FAT1: variants seen among roughly 807,000 people sequenced by gnomAD.
FAT1 encodes the protein protocadherin Fat 1.
FAT1 carries 171 observed loss-of-function variants against 329.8 expected under a neutral mutation model. The observed-to-expected ratio is 0.52, with a 90% CI of 0.46 to 0.59. The LOEUF (loss-of-function observed/expected upper bound fraction) is 0.59, where lower values mean the gene tolerates loss of function less well. Among genes scored for constraint, FAT1 ranks in the 20% least tolerant of loss-of-function variants. The probability of loss-of-function intolerance (pLI) is 0.00; values close to 1 mark genes in which losing one functional copy is unlikely to be tolerated. For synonymous variants in FAT1, 2,233 were observed against 2,228.6 expected, an observed-to-expected ratio of 1.00 and a Z score of -0.06; for missense variants, 5,672 against 5,774.4, an observed-to-expected ratio of 0.98 and a Z score of 0.57.
intron 13 of FAT1, 111 bp downstream of exon 13, chr4:186,612,998 A>C: frequency 2.6e-4 from 161 of 620,886 alleles, no homozygotes; most frequent in Middle Eastern, 4.3e-4. Context: ...GGGCTATGGA[A>C]CATGCATGAG....
Position 186,707,852 on chromosome 4 carries a change from A to G in FAT1, c.1976T>C (p.Ile659Thr), listed in dbSNP as rs765983119. The part of the protein sequence containing the change: ...DGENFATPLY[I>T]NITVAASHKL... Reference sequence around the variant, plus strand: ...GTGACTGGCAGCCACTGTTATGTTGATATATAATGGTGTGGCAAAATTTTC... The same window carrying G: ...GTGACTGGCAGCCACTGTTATGTTGGTATATAATGGTGTGGCAAAATTTTC... The change falls in exon 2 of 27, where the codon ATC (isoleucine) becomes ACC (threonine). Residue 659 changes from isoleucine to threonine, a missense_variant. Ile to Thr is a moderately conservative substitution (Grantham distance 89). Around this residue, in one of 2 missense-constraint regions of FAT1, gnomAD observed 3,966 missense variants for 3,915.2 expected, o/e 1.01. Coordinates refer to ENST00000441802, the MANE Select transcript of FAT1 (RefSeq NM_005245.4). The G allele has an allele frequency of 6.2e-7, 1 of 1,613,830 alleles. No individual in the cohort carries two copies. The highest frequency in any genetic ancestry group is 2.2e-5 in the East Asian group (1 of 44,884).
intron 4 of FAT1, 139 bp downstream of exon 4, chr4:186,639,583 T>G: frequency 1.7e-6 from 1 of 605,188 alleles, no homozygotes; most frequent in Non-Finnish European, 2.8e-6. Flanking sequence ...ATATTCCTTT[T>G]TCCTAACAAC....
intron 1 of FAT1, among the ~76,000 whole-genome samples, chr4:186,723,359 C>A (rs773319387): frequency 2.8e-4 from 43 of 152,332 alleles, no homozygotes; most frequent in Middle Eastern, 3.4e-3. Context: ...GAGGCCGGCG[C>A]AGCCCGGCGA....
At position 186,679,914 on chromosome 4, in the gene FAT1, C is replaced by T. The variant is rs115936881; in HGVS notation, c.3266-16301G>A. 8.4e-3 allele frequency among the ~76,000 whole-genome samples: 1,273 copies of T among 152,224 alleles called. 18 individuals are homozygous for T. Among genetic ancestry groups the T allele is most frequent in the African/African-American group, 0.029 (1,224 of 41,520 alleles). ...TCTGAAACTCAAGAATTTTTTATAACGTGCCATCTAAAGAACTACTTCATA... is the reference window on the plus strand; with the variant it reads ...TCTGAAACTCAAGAATTTTTTATAATGTGCCATCTAAAGAACTACTTCATA... On this transcript the variant is annotated intron_variant, in intron 2 of 26. Coordinates refer to ENST00000441802, the MANE Select transcript of FAT1 (RefSeq NM_005245.4).
chr4:186,604,070 A>G (rs913889407), intron 18 of FAT1, 93 bp from the exon 19 acceptor site: 3 of 961,558 alleles, frequency 3.1e-6, no homozygotes, highest in Admixed American at 5.3e-5. Flanking sequence ...TTCCCAAAAA[A>G]TTACTAACTG....
chr4:186,638,232 C>A (rs572632121), intron 4 of FAT1, among the ~76,000 whole-genome samples: 3 of 152,166 alleles, frequency 2.0e-5, no homozygotes, highest in South Asian at 2.1e-4. Context: ...CCATCCATGT[C>A]CAAATATGAC....
intron 3 of FAT1, among the ~76,000 whole-genome samples, chr4:186,656,857 A>G (rs2126605213): frequency 6.6e-6 from 1 of 152,360 alleles, no homozygotes; most frequent in Middle Eastern, 3.4e-3. Context: ...GGAGGTGTTT[A>G]CAGTACATAC....
intron 2 of FAT1, among the ~76,000 whole-genome samples, chr4:186,692,498 G>A (rs953895031): frequency 1.3e-5 from 2 of 152,032 alleles, no homozygotes; most frequent in African/African-American, 4.8e-5. Flanking sequence ...ATTTTTAGTA[G>A]AGACGGGGTT....
chr4:186,610,710 T>TTTATATAATTTATATAAATATAAA (rs1739402578), intron 14 of FAT1, among the ~76,000 whole-genome samples: 3 of 61,648 alleles, frequency 4.9e-5, no homozygotes, highest in Non-Finnish European at 5.6e-5. Context: ...TAAATATAAA[T>TTTATATAATTTATATAAATATAAA]TTATATAATT....
intron 4 of FAT1, 128 bp downstream of exon 4, chr4:186,639,594 C>T (rs566527392): frequency 6.5e-6 from 4 of 620,028 alleles, no homozygotes; most frequent in African/African-American, 5.6e-5. Flanking sequence ...TCCTAACAAC[C>T]AGTAAATAAT....
chr4:186,675,406 G>A (rs2126637349), intron 2 of FAT1, among the ~76,000 whole-genome samples: 1 of 152,148 alleles, frequency 6.6e-6, no homozygotes, highest in Non-Finnish European at 1.5e-5. Context: ...GGCGGAGGTT[G>A]CAGTGAGTTG....
rs898301467 is a variant in FAT1, at chr4:186,588,140, A to G, written c.*452T>C. 9.0e-6 allele frequency: 2 copies of G among 222,484 alleles called. No individual in the cohort carries two copies. Among genetic ancestry groups the G allele is most frequent in the African/African-American group, 4.5e-5 (2 of 44,548 alleles). The allele number at this position is 222,484 out of a possible 1,614,324, so 13.8% of individuals were successfully genotyped here. The stretch of plus-strand genomic sequence containing the variant: ...AACCCTGGTTATAGTAAAAAAAAAA[A>G]AATCAGGGTGCTAGATAATGGCACT... On this transcript the variant is annotated 3_prime_UTR_variant, in exon 27 of 27. Transcript: ENST00000441802.
chr4:186,608,228 C>T (rs1408648633), intron 16 of FAT1, among the ~76,000 whole-genome samples: 1 of 152,176 alleles, frequency 6.6e-6, no homozygotes, highest in Non-Finnish European at 1.5e-5. Flanking sequence ...CCAAAATCCA[C>T]TGGTGCTCAA....
chr4:186,679,863 T>G (rs1425204452), intron 2 of FAT1, among the ~76,000 whole-genome samples: 4 of 152,370 alleles, frequency 2.6e-5, no homozygotes, highest in South Asian at 4.1e-4. Flanking sequence ...ATTGGTTGGT[T>G]TGCTGTAGCA....
intron 7 of FAT1, among the ~76,000 whole-genome samples, 186 bp downstream of exon 7, chr4:186,633,498 A>G (rs183742562): frequency 1.1e-3 from 163 of 152,274 alleles, no homozygotes; most frequent in Non-Finnish European, 1.4e-3. Context: ...TTATATGCAA[A>G]ACCCAAATTG....
chr4:186,592,678 C>T (rs924198995), intron 26 of FAT1: 3 of 456,594 alleles, frequency 6.6e-6, no homozygotes, highest in Non-Finnish European at 1.3e-5. Context: ...CAAGCACGAG[C>T]ACTTACAACT....
At chr4:186,601,821 A>T in intron 20 of FAT1, 1 of 159,246 alleles carries the variant, frequency 6.3e-6, no homozygotes, top group East Asian at 1.8e-4. Context: ...CAATCTCCAC[A>T]GATGGCAACT....
intron 7 of FAT1, among the ~76,000 whole-genome samples, chr4:186,631,418 T>C (rs551526653): frequency 6.6e-6 from 1 of 150,994 alleles, no homozygotes; most frequent in East Asian, 2.0e-4. Flanking sequence ...CTTCAATCCA[T>C]CCCCGCGGTA....
Position 186,603,384 on chromosome 4 carries a change from C to T in FAT1, c.11142G>A (p.Lys3714=), listed in dbSNP as rs2126427416. 1 of 1,614,008 alleles carries T rather than the reference C, an allele frequency of 6.2e-7. No individual in the cohort carries two copies. Among genetic ancestry groups the T allele is most frequent in the Non-Finnish European group, 8.5e-7 (1 of 1,179,892 alleles). The part of the protein sequence containing the change: ...AQISTKQLLH[K]INSSVTDIEE... ...CAATGTCAGTCACGGAAGAGTTAAT[C>T]TTGTGCAGAAGTTGTTTTGTTGAGA... The change falls in exon 19 of 27, where the codon AAG becomes AAA. Residue 3714 remains lysine, a synonymous_variant. Coordinates refer to ENST00000441802, the MANE Select transcript of FAT1 (RefSeq NM_005245.4).
Sources: allele counts gnomAD v4.1 joint callset (sites outside exome capture counted in the v4.1 genomes callset), GRCh38; gene constraint gnomAD v4.1.1; regional missense constraint gnomAD v4.1.1; transcripts MANE v1.5; gene names NCBI Gene and HGNC (gene_info 2026-07-23, HGNC 2026-07-21).